Variants in PSMB7 observed in about 807,000 individuals in gnomAD.
The protein encoded by PSMB7 is proteasome subunit beta type-7.
In PSMB7, 5 loss-of-function variants were observed where a neutral mutation model predicts 28.1. The observed-to-expected ratio is 0.18, with a 90% confidence interval of 0.09 to 0.37. The LOEUF is 0.37. Ranked by LOEUF, PSMB7 falls within the 10% of genes least tolerant of loss-of-function variation. The pLI is 1.00. For synonymous variants in PSMB7, 122 were observed against 123.7 expected (o/e 0.99, Z 0.09); for missense variants, 275 against 346.2 (o/e 0.79, Z 1.63).
At chr9:124,400,325 G>C (rs1830888526) in intron 5 of PSMB7, among the ~76,000 whole-genome samples, 1 of 152,242 alleles carries the variant, frequency 6.6e-6, no homozygotes, top group Non-Finnish European at 1.5e-5. Flanking sequence ...GGTGGTGGGA[G>C]ACAAGCGTCC....
chr9:124,399,324 G>C (rs1426361716), intron 5 of PSMB7, among the ~76,000 whole-genome samples: 2 of 152,218 alleles, frequency 1.3e-5, no homozygotes, highest in Non-Finnish European at 2.9e-5. Flanking sequence ...GGGCAGGAGG[G>C]ACAATGCCTA....
chr9:124,358,882 T>G (rs968584166), intron 6 of PSMB7, among the ~76,000 whole-genome samples: 5 of 152,216 alleles, frequency 3.3e-5, no homozygotes, highest in Admixed American at 1.3e-4. Flanking sequence ...GGACTGCACA[T>G]TTACATTTCC....
At chr9:124,397,205 C>A (rs568226357) in intron 5 of PSMB7, among the ~76,000 whole-genome samples, 1 of 152,164 alleles carries the variant, frequency 6.6e-6, no homozygotes, top group Non-Finnish European at 1.5e-5. Flanking sequence ...ATGATGGCAC[C>A]CACCTCACAG....
chr9:124,386,358 G>A (rs1040010629), intron 5 of PSMB7, among the ~76,000 whole-genome samples: 11 of 152,196 alleles, frequency 7.2e-5, no homozygotes, highest in African/African-American at 2.7e-4. Context: ...TGTTCTGTGA[G>A]TCACATATTT....
intron 5 of PSMB7, among the ~76,000 whole-genome samples, chr9:124,400,454 T>C (rs1017861665): frequency 3.3e-5 from 5 of 152,364 alleles, no homozygotes; most frequent in Non-Finnish European, 7.3e-5. Context: ...CTGTATTTCC[T>C]GCCTCTGTCC....
chr9:124,404,160 A>AT (rs776049138), intron 5 of PSMB7, among the ~76,000 whole-genome samples: 4 of 151,982 alleles, frequency 2.6e-5, no homozygotes, highest in Non-Finnish European at 5.9e-5. Context: ...AAAGCACTAG[A>AT]TTACAGGCAT....
At chr9:124,375,456 G>A (rs1459084332) in intron 6 of PSMB7, among the ~76,000 whole-genome samples, 4 of 152,114 alleles carry the variant, frequency 2.6e-5, no homozygotes. Flanking sequence ...GAGCCACGGC[G>A]CCTGGCCTAG....
intron 2 of PSMB7, among the ~76,000 whole-genome samples, chr9:124,414,488 G>C (rs1831065094): frequency 1.3e-5 from 2 of 152,050 alleles, no homozygotes; most frequent in African/African-American, 2.4e-5. Flanking sequence ...TGAGCTGCCA[G>C]AAGTTGGAAT....
rs527285665 is a variant in PSMB7, at chr9:124,404,763, G to GA, written c.511+553dup. ...AGCTACTTGGGAGGCTGAGGCAGAA[G>GA]AATCACTTGAACCCGGGAGACAGAG... On this transcript the variant is annotated intron_variant, in intron 5 of 7. Transcript: ENST00000259457. 1.8e-3 allele frequency among the ~76,000 whole-genome samples: 269 copies of GA among 152,202 alleles called. 1 individual carries two copies. The highest frequency in any genetic ancestry group is 6.3e-3 in the African/African-American group (263 of 41,518).
intron 5 of PSMB7, 79 bp downstream of exon 5, chr9:124,405,238 G>C: frequency 1.0e-6 from 1 of 982,626 alleles, no homozygotes; most frequent in Non-Finnish European, 1.6e-6. Flanking sequence ...CCTCTTCTAA[G>C]AGAAAACAGA....
intron 6 of PSMB7, among the ~76,000 whole-genome samples, chr9:124,363,288 T>C (rs189392493): frequency 6.6e-6 from 1 of 152,280 alleles, no homozygotes; most frequent in Admixed American, 6.5e-5. Flanking sequence ...GATGTGTTTG[T>C]TGGGGGCCTG....
At chr9:124,406,959 C>G (rs756448480) in intron 4 of PSMB7, among the ~76,000 whole-genome samples, 21 of 151,936 alleles carry the variant, frequency 1.4e-4, no homozygotes, top group Admixed American at 2.6e-4. Flanking sequence ...TGCACTCCAG[C>G]CTGGGCAACA....
intron 6 of PSMB7, among the ~76,000 whole-genome samples, chr9:124,380,049 G>A (rs1342617065): frequency 1.3e-5 from 2 of 152,216 alleles, no homozygotes; most frequent in Non-Finnish European, 2.9e-5. Context: ...AACAGGACAG[G>A]TGTGTACAGT....
intron 5 of PSMB7, among the ~76,000 whole-genome samples, chr9:124,403,433 G>A (rs1345381368): frequency 6.6e-6 from 1 of 152,122 alleles, no homozygotes; most frequent in Non-Finnish European, 1.5e-5. Flanking sequence ...GCTGCGGTGG[G>A]TGGATCACCT....
chr9:124,378,332 G>A (rs571989900), intron 6 of PSMB7, among the ~76,000 whole-genome samples: 2 of 152,340 alleles, frequency 1.3e-5, no homozygotes, highest in South Asian at 4.1e-4. Context: ...CTCACACGAT[G>A]TGTTTGGTGA....
chr9:124,406,786 T>C (rs1228662183), intron 4 of PSMB7, among the ~76,000 whole-genome samples: 1 of 152,176 alleles, frequency 6.6e-6, no homozygotes, highest in African/African-American at 2.4e-5. Flanking sequence ...CACATATTTG[T>C]TCCTTTGGAC....
At chr9:124,377,039 C>T (rs528811031) in intron 6 of PSMB7, among the ~76,000 whole-genome samples, 1 of 152,296 alleles carries the variant, frequency 6.6e-6, no homozygotes, top group South Asian at 2.1e-4. Context: ...ATTCACCAAG[C>T]CTGATGCCAG....
intron 1 of PSMB7, 141 bp downstream of exon 1, chr9:124,415,223 C>G: frequency 1.1e-6 from 1 of 926,760 alleles, no homozygotes; most frequent in South Asian, 1.6e-5. Flanking sequence ...GGCCCTGATT[C>G]CCCTGAGTCA....
chr9:124,390,985 G>A (rs917254848), intron 5 of PSMB7, among the ~76,000 whole-genome samples: 1 of 152,194 alleles, frequency 6.6e-6, no homozygotes, highest in East Asian at 1.9e-4. Context: ...ACGTCCTTAG[G>A]AGGGCTTCCT....
Sources: allele counts gnomAD v4.1 joint callset (sites outside exome capture counted in the v4.1 genomes callset), GRCh38; gene constraint gnomAD v4.1.1; transcripts MANE v1.5; gene names NCBI Gene and HGNC (gene_info 2026-07-23, HGNC 2026-07-21).